JAKMIP1: variants seen among roughly 807,000 people sequenced by gnomAD.
JAKMIP1 encodes janus kinase and microtubule interacting protein 1, also known as janus kinase and microtubule-interacting protein 1.
A neutral mutation model predicts 113.0 loss-of-function variants in JAKMIP1; 33 were observed. The ratio of observed to expected loss-of-function variants is 0.29; its 90% CI spans 0.22 to 0.39. JAKMIP1 has a LOEUF of 0.39. Ranked by LOEUF, JAKMIP1 falls within the 10% of genes least tolerant of loss-of-function variation. The pLI is 1.00. For synonymous variants in JAKMIP1, 480 were observed against 459.9 expected, an observed-to-expected ratio of 1.04 and a Z score of -0.56; for missense variants, 813 against 1,080.5, an observed-to-expected ratio of 0.75 and a Z score of 3.47.
chr4:6,056,643 G>T, intron 12 of JAKMIP1, 54 bp downstream of exon 12: 1 of 1,412,112 alleles, frequency 7.1e-7, no homozygotes, highest in Non-Finnish European at 1.0e-6. Context: ...GAGCAGGCCC[G>T]CGGGGTCCCA....
rs1459872434 is a variant in JAKMIP1, at chr4:6,064,171, G to A, written c.1431+709C>T. On this transcript the variant is annotated intron_variant, in intron 9 of 20. Transcript: ENST00000409021. This position sits in a 1 kb window ranked among gnomAD's most constrained non-coding sequence, Gnocchi z 4.3. ...AGGTCTGCGCTGAATGAAGTCTGCT[G>A]TTTAGGAAATTAATCAAATGTGATT... is the stretch of plus-strand genomic sequence containing the variant. Among the ~76,000 whole-genome samples, 1 of 152,228 alleles carries A rather than the reference G, an allele frequency of 6.6e-6. No homozygotes were observed. Among genetic ancestry groups the A allele is most frequent in the Non-Finnish European group, 1.5e-5 (1 of 68,042 alleles).
In JAKMIP1 at chr4:6,155,735, T is replaced by A. The variant is rs368532707; in HGVS notation, c.-147-42738A>T. On this transcript the variant is annotated intron_variant, in intron 1 of 20. Coordinates refer to ENST00000409021, the MANE Select transcript of JAKMIP1 (RefSeq NM_001099433.2). This position sits in a 1 kb window ranked among gnomAD's most constrained non-coding sequence, Gnocchi z 6.1. ...CCCATGGCACATTTATAGAACGGGA[T>A]ATTATAGTGTCCTTTAAGCTGAAGC... 7.2e-5 allele frequency among the ~76,000 whole-genome samples: 11 copies of A among 152,308 alleles called. No homozygotes were observed. The East Asian group carries it at 2.1e-3, about 29-fold the overall frequency.
intron 11 of JAKMIP1, among the ~76,000 whole-genome samples, chr4:6,057,239 C>G (rs1716601035): frequency 6.6e-6 from 1 of 152,218 alleles, no homozygotes. Context: ...GCTGTGGCAC[C>G]CTGAGCCTGG....
intron 1 of JAKMIP1, among the ~76,000 whole-genome samples, chr4:6,175,444 G>C (rs1259483414): frequency 6.6e-6 from 1 of 152,100 alleles, no homozygotes; most frequent in Non-Finnish European, 1.5e-5. Flanking sequence ...TTTTCTTTTT[G>C]CAACACTTTC....
intron 1 of JAKMIP1, among the ~76,000 whole-genome samples, chr4:6,133,183 T>C (rs553228195): frequency 6.6e-6 from 1 of 152,068 alleles, no homozygotes; most frequent in Admixed American, 6.5e-5. Context: ...ACAAAGACAA[T>C]GCCCATGCCA....
In JAKMIP1 at chr4:6,042,909, G is replaced by A. The variant is rs377064225; in HGVS notation, c.2029-682C>T. On this transcript the variant is annotated intron_variant, in intron 16 of 20. Coordinates refer to ENST00000409021, the MANE Select transcript of JAKMIP1 (RefSeq NM_001099433.2). This position sits in a 1 kb window ranked among gnomAD's most constrained non-coding sequence, Gnocchi z 5.2. ...AGAGTACGGGGTGAACAGGCGGGGC[G>A]TGCACCTGAGCGGCAGGTAAGGGAG... is the stretch of plus-strand genomic sequence containing the variant. Among the ~76,000 whole-genome samples, 5 of 152,188 alleles carry A rather than the reference G, an allele frequency of 3.3e-5. No individual in the cohort carries two copies. The highest frequency in any genetic ancestry group is 3.4e-3 in the Middle Eastern group (1 of 292).
chr4:6,105,526 G>T lies in JAKMIP1; in HGVS notation c.571C>A (p.Gln191Lys). The T allele has an allele frequency of 6.2e-7, 1 of 1,608,772 alleles. No homozygotes were observed. Among genetic ancestry groups the T allele is most frequent in the Non-Finnish European group, 8.5e-7 (1 of 1,178,232 alleles). Residue 191 changes from glutamine to lysine, a missense_variant, in exon 3 of 21, where the codon CAA (glutamine) becomes AAA (lysine). Coordinates refer to ENST00000409021, the MANE Select transcript of JAKMIP1 (RefSeq NM_001099433.2). ...ADLRAAYQAH[Q>K]DEVHRIKREC... ...CGCTTGATGCGGTGCACCTCGTCTT[G>T]GTGCGCCTGGTAGGCGGCACGCAGG...
intron 1 of JAKMIP1, among the ~76,000 whole-genome samples, chr4:6,159,755 G>A (rs1314725654): frequency 6.6e-6 from 1 of 152,150 alleles, no homozygotes; most frequent in Non-Finnish European, 1.5e-5. Context: ...GGGTGCCGCT[G>A]GGCAATTTCT....
chr4:6,124,118 G>T (rs1274032722), intron 1 of JAKMIP1, among the ~76,000 whole-genome samples: 4 of 152,198 alleles, frequency 2.6e-5, no homozygotes, highest in African/African-American at 9.6e-5. Flanking sequence ...TTCCCGCCAT[G>T]GCCCTGGCCC....
rs111536489 is a variant in JAKMIP1, at chr4:6,154,077, G to A, written c.-147-41080C>T. Among the ~76,000 whole-genome samples, 7 of 152,162 alleles carry A rather than the reference G, an allele frequency of 4.6e-5. No individual in the cohort carries two copies. The highest frequency in any genetic ancestry group is 7.3e-5 in the Non-Finnish European group (5 of 68,036). ...TCTCTGCAGCCCCCAGACCATGCCT[G>A]GCTGACTGCATCCTGCTGCCTATGG... On this transcript the variant is annotated intron_variant, in intron 1 of 20. Coordinates refer to ENST00000409021, the MANE Select transcript of JAKMIP1 (RefSeq NM_001099433.2). This position sits in a 1 kb window ranked among gnomAD's most constrained non-coding sequence, Gnocchi z 4.2.
At position 6,088,694 on chromosome 4, in the gene JAKMIP1, G is replaced by C. The variant is rs1721631961; in HGVS notation, c.625-3065C>G. Among the ~76,000 whole-genome samples the C allele has an allele frequency of 6.6e-6, 1 of 152,170 alleles. No homozygotes were observed. Among genetic ancestry groups the C allele is most frequent in the Non-Finnish European group, 1.5e-5 (1 of 68,040 alleles). On this transcript the variant is annotated intron_variant, in intron 3 of 20. Transcript: ENST00000409021. The surrounding 1 kb of genome is among the most constrained non-coding windows in gnomAD (Gnocchi z 5.5). Reference sequence around the variant, plus strand: ...TTAAGACACTGGCCACGCTCACGTAGCAAGAGGCAGGCACACTCACAGTTC... The same window carrying C: ...TTAAGACACTGGCCACGCTCACGTACCAAGAGGCAGGCACACTCACAGTTC...
chr4:6,033,398 G>A (rs1032631477), intron 19 of JAKMIP1, among the ~76,000 whole-genome samples: 1 of 152,198 alleles, frequency 6.6e-6, no homozygotes, highest in Admixed American at 6.5e-5. Flanking sequence ...ATGAGTGTTA[G>A]GGATTATGAT....
In JAKMIP1 at chr4:6,185,858, C is replaced by G. The variant is rs564196515; in HGVS notation, c.-148+14395G>C. Among the ~76,000 whole-genome samples, 862 of 152,276 alleles carry G rather than the reference C, an allele frequency of 5.7e-3. 5 individuals carry two copies. Among genetic ancestry groups the G allele is most frequent in the Non-Finnish European group, 5.2e-3 (354 of 68,028 alleles). ...GTTCTAGACAATACCTTTAACAGCC[C>G]ACAGCCAAGTTTTCTATCTAAACTA... On this transcript the variant is annotated intron_variant, in intron 1 of 20. Transcript: ENST00000409021. This position sits in a 1 kb window ranked among gnomAD's most constrained non-coding sequence, Gnocchi z 5.3.
chr4:6,028,797 G>A (rs754321354), intron 20 of JAKMIP1, among the ~76,000 whole-genome samples: 19 of 152,248 alleles, frequency 1.2e-4, no homozygotes, highest in Admixed American at 2.6e-4. Context: ...GATGGGTTCA[G>A]CGGCTCTCCA....
Position 6,067,642 on chromosome 4 carries a change from T to G in JAKMIP1, c.1303-2634A>C, listed in dbSNP as rs796143201. Among the ~76,000 whole-genome samples, 7 of 145,446 alleles carry G rather than the reference T, an allele frequency of 4.8e-5. No individual in the cohort carries two copies. Among genetic ancestry groups the G allele is most frequent in the Admixed American group, 4.0e-4 (6 of 14,818 alleles). Reference sequence around the variant, plus strand: ...AGCTCCAGGTTCACTCAAGCTCTTCTGCACACACACACACAGGTCACCCCC... The same window carrying G: ...AGCTCCAGGTTCACTCAAGCTCTTCGGCACACACACACACAGGTCACCCCC... On this transcript the variant is annotated intron_variant, in intron 8 of 20. Coordinates refer to ENST00000409021, the MANE Select transcript of JAKMIP1 (RefSeq NM_001099433.2). The surrounding 1 kb of genome is among the most constrained non-coding windows in gnomAD (Gnocchi z 4.6).
rs1209175776 is a variant in JAKMIP1 at position 6,097,986 on chromosome 4, C to T, written c.624+7487G>A. Among the ~76,000 whole-genome samples the T allele has an allele frequency of 6.6e-6, 1 of 152,224 alleles. No individual in the cohort carries two copies. Among genetic ancestry groups the T allele is most frequent in the South Asian group, 2.1e-4 (1 of 4,826 alleles). ...ACATTGTGGGACAGAAAAGCGGTAA[C>T]TGTGACTTGAATCAGAGATAACAAA... On this transcript the variant is annotated intron_variant, in intron 3 of 20. Transcript: ENST00000409021. This position sits in a 1 kb window ranked among gnomAD's most constrained non-coding sequence, Gnocchi z 4.3.
At position 6,044,419 on chromosome 4, in the gene JAKMIP1, C is replaced by T. The variant is rs547749409; in HGVS notation, c.2029-2192G>A. 2.2e-4 allele frequency among the ~76,000 whole-genome samples: 33 copies of T among 152,226 alleles called. No homozygotes were observed. Among genetic ancestry groups the T allele is most frequent in the African/African-American group, 7.2e-4 (30 of 41,562 alleles). On this transcript the variant is annotated intron_variant, in intron 16 of 20. Transcript: ENST00000409021. The surrounding 1 kb of genome is among the most constrained non-coding windows in gnomAD (Gnocchi z 4.4). The stretch of plus-strand genomic sequence containing the variant: ...CTGCCACAGAACTCCTTCCCTAACG[C>T]CACAGTGAGCTCGGCCCCCAGTACG...
At chr4:6,107,139 T>C (rs1714086885) in intron 2 of JAKMIP1, among the ~76,000 whole-genome samples, 1 of 152,170 alleles carries the variant, frequency 6.6e-6, no homozygotes, top group African/African-American at 2.4e-5. Context: ...CACCTTACCC[T>C]GGGGGCAGCA....
chr4:6,127,544 G>A lies in JAKMIP1; in HGVS notation c.-147-14547C>T, dbSNP rs369343958. On this transcript the variant is annotated intron_variant, in intron 1 of 20. Transcript: ENST00000409021. Reference sequence around the variant, plus strand: ...TGGCTTGGTGGGACCTCACTGGCACGTTGGTGAGGCCCAAACAGGGCAACA... The same window carrying A: ...TGGCTTGGTGGGACCTCACTGGCACATTGGTGAGGCCCAAACAGGGCAACA... Among the ~76,000 whole-genome samples, 305 of 152,304 alleles carry A rather than the reference G, an allele frequency of 2.0e-3. 1 individual carries two copies. The highest frequency in any genetic ancestry group is 3.4e-3 in the Non-Finnish European group (231 of 68,018).
Sources: gnomAD v4.1 joint callset for allele counts (sites outside exome capture counted in the v4.1 genomes callset) on GRCh38, gnomAD v4.1.1 for gene constraint, Gnocchi (gnomAD v3.1) non-coding constraint, MANE v1.5 for transcripts, NCBI Gene and HGNC (gene_info 2026-07-23, HGNC 2026-07-21) for gene names.